MAP3K11: variants seen among roughly 807,000 people sequenced by gnomAD.
The protein encoded by MAP3K11 is SH3 domain-containing proline-rich kinase.
MAP3K11 carries 46 observed loss-of-function variants against 84.9 expected under a neutral mutation model. That is an observed-to-expected ratio of 0.54 (90% CI 0.43 to 0.69). The LOEUF (loss-of-function observed/expected upper bound fraction) is 0.69. Ranked by LOEUF, MAP3K11 falls within the 30% of genes least tolerant of loss-of-function variation. MAP3K11 has a pLI of 0.00. For synonymous variants in MAP3K11, 527 were observed against 514.7 expected (o/e 1.02, Z -0.32); for missense variants, 1,053 against 1,198.3 (o/e 0.88, Z 1.79).
intron 8 of MAP3K11, chr11:65,605,542 G>A (rs754694520): frequency 5.2e-5 from 25 of 476,872 alleles, no homozygotes; most frequent in African/African-American, 4.3e-4. Flanking sequence ...TCTGGGCCCC[G>A]AGCCGAGGCC....
intron 8 of MAP3K11, among the ~76,000 whole-genome samples, 165 bp from the exon 9 acceptor site, chr11:65,599,933 G>A (rs1854437986): frequency 6.6e-6 from 1 of 152,216 alleles, no homozygotes; most frequent in Admixed American, 6.5e-5. Flanking sequence ...CCACATTCTG[G>A]CCTTTCACAA....
Position 65,607,371 on chromosome 11 carries a change from T to A in MAP3K11, c.1388A>T (p.Gln463Leu), listed in dbSNP as rs1411645768. Reference sequence around the variant, plus strand: ...CACGTGCGGTCGCTCGCGGTCCACCTGCTGCAGCAGCAGCGTCAGCTCGCG... The same window carrying A: ...CACGTGCGGTCGCTCGCGGTCCACCAGCTGCAGCAGCAGCGTCAGCTCGCG... ...FERELTLLLQ[Q>L]VDRERPHVRR... The change falls in exon 5 of 10, where the codon CAG becomes CTG. Residue 463 changes from glutamine (Q) to leucine (L), a missense_variant. Coordinates refer to ENST00000309100, the MANE Select transcript of MAP3K11 (RefSeq NM_002419.4). 3.3e-6 allele frequency: 5 copies of A among 1,498,956 alleles called. No homozygotes were observed. The South Asian group carries it at 3.7e-5, about 11-fold the overall frequency. The allele number at this position is 1,498,956 out of a possible 1,614,324, so 92.9% of individuals were successfully genotyped here. A position where few individuals can be genotyped will look rare whatever the true frequency, so the allele number is the denominator to read the frequency against.
intron 8 of MAP3K11, 95 bp from the exon 9 acceptor site, chr11:65,599,863 T>C (rs1448708598): frequency 7.4e-7 from 1 of 1,359,370 alleles, no homozygotes; most frequent in East Asian, 2.6e-5. Context: ...AGGACTGAGT[T>C]CTGCCCTCTA....
In MAP3K11 at chr11:65,598,511, C is replaced by A; in HGVS notation, c.2324G>T (p.Arg775Leu). ...TGACACAAAGCTCCAGGGATCAATG[C>A]GGCTGCGAAGGGGCGAGGGCCGAGG... ...SRPRPSPLRS[R>L]IDPWSFVSAG... The change falls in exon 10 of 10, where the codon CGC becomes CTC. Residue 775 changes from arginine to leucine, a missense_variant. By Grantham distance (102) the Arg-to-Leu change is moderately radical (BLOSUM62 -2). This residue lies in a region of MAP3K11 where 583 missense variants were observed against 566.6 expected (regional missense o/e 1.03). Coordinates refer to ENST00000309100, the MANE Select transcript of MAP3K11 (RefSeq NM_002419.4). 1.2e-6 allele frequency: 2 copies of A among 1,613,326 alleles called. No individual in the cohort carries two copies. The highest frequency in any genetic ancestry group is 1.7e-6 in the Non-Finnish European group (2 of 1,179,612).
Position 65,608,411 on chromosome 11 carries a change from C to T in MAP3K11, c.777G>A (p.Glu259=), listed in dbSNP as rs750616138. 1.2e-6 allele frequency: 2 copies of T among 1,614,186 alleles called. No homozygotes were observed. The highest frequency in any genetic ancestry group is 1.1e-5 in the South Asian group (1 of 91,086). The stretch of plus-strand genomic sequence containing the variant: ...AGTCGGTGATCTTCAGGGTCTTGTG[C>T]TCCATGTCGTCACTCTCAATGGGCT... ...LLQPIESDDM[E]HKTLKITDFG... Residue 259 remains glutamate (E), a synonymous_variant, in exon 2 of 10, where the codon GAG becomes GAA. Coordinates refer to ENST00000309100, the MANE Select transcript of MAP3K11 (RefSeq NM_002419.4).
In MAP3K11 at chr11:65,599,572, T is replaced by C. The variant is rs570112119; in HGVS notation, c.2028A>G (p.Thr676=). Residue 676 remains threonine (T), a synonymous_variant, in exon 9 of 10, where the codon ACA becomes ACG. Transcript: ENST00000309100. ...GPGRERGESP[T]TPPTPTPAPC... ...GCGCGGGCGTTGGCGTGGGGGGTGT[T>C]GTCGGGGACTCCCCGCGCTCGCGTC... 75 of 1,502,776 alleles carry C rather than the reference T, an allele frequency of 5.0e-5. No individual in the cohort carries two copies. The highest frequency in any genetic ancestry group is 6.5e-5 in the Non-Finnish European group (74 of 1,134,678). The allele number at this position is 1,502,776 out of a possible 1,614,324, so 93.1% of individuals were successfully genotyped here.
chr11:65,606,549 G>T, intron 6 of MAP3K11, 142 bp downstream of exon 6: 1 of 589,052 alleles, frequency 1.7e-6, no homozygotes, highest in Non-Finnish European at 3.0e-6. Context: ...GAGTTCAGAG[G>T]TAACAGGCTA....
At chr11:65,608,494 G>A in intron 1 of MAP3K11, 46 bp from the exon 2 acceptor site, 1 of 1,593,906 alleles carries the variant, frequency 6.3e-7, no homozygotes, top group Non-Finnish European at 8.6e-7. Context: ...ATCAGGTGGT[G>A]GGGACAGGGT....
Position 65,607,433 on chromosome 11 carries a change from C to A in MAP3K11, c.1326G>T (p.Glu442Asp). Residue 442 changes from glutamate (E) to aspartate (D), a missense_variant, in exon 5 of 10, where the codon GAG (glutamate) becomes GAT (aspartate). Around this residue, in one of 3 missense-constraint regions of MAP3K11, gnomAD observed 310 missense variants for 464.5 expected, o/e 0.67. Transcript: ENST00000309100. ...CTAGCTCCCACTGGGCCAGCAGGTG[C>A]TCGCGCCGCCGCAGCTGCTCCGCCT... ...RSQAEQLRRR[E>D]HLLAQWELEV... The A allele has an allele frequency of 6.7e-7, 1 of 1,496,130 alleles. No individual in the cohort carries two copies. Among genetic ancestry groups the A allele is most frequent in the Non-Finnish European group, 8.8e-7 (1 of 1,132,092 alleles). 92.7% of individuals were successfully genotyped at this position (1,496,130 alleles called of 1,614,324 possible). A position where few individuals can be genotyped will look rare whatever the true frequency, so the allele number is the denominator to read the frequency against.
At chr11:65,599,286 TGA>T (rs1215976706) in intron 9 of MAP3K11, 106 bp downstream of exon 9, 2 of 1,324,106 alleles carry the variant, frequency 1.5e-6, no homozygotes, top group Non-Finnish European at 2.0e-6. Context: ...GTCCAGCTGA[TGA>T]CTGTGGTCTC....
intron 8 of MAP3K11, chr11:65,605,491 A>C (rs1565143717): frequency 1.5e-5 from 5 of 334,760 alleles, no homozygotes; most frequent in Admixed American, 5.1e-5. Context: ...GGGCCAGGGA[A>C]GAGGCTTCTT....
Position 65,607,261 on chromosome 11 carries a change from G to T in MAP3K11, c.1489+9C>A. On this transcript the variant is annotated intron_variant, in intron 5 of 9. Coordinates refer to ENST00000309100, the MANE Select transcript of MAP3K11 (RefSeq NM_002419.4). ...AATGGCGGGGGACGCCCCGGGGCCC[G>T]GCCCTCACCGAGTGGCATGCTGATA... 2.0e-6 allele frequency: 3 copies of T among 1,497,590 alleles called. No individual in the cohort carries two copies. Among genetic ancestry groups the T allele is most frequent in the East Asian group, 2.7e-5 (1 of 37,678 alleles). The allele number at this position is 1,497,590 out of a possible 1,614,324, so 92.8% of individuals were successfully genotyped here. A position where few individuals can be genotyped will look rare whatever the true frequency, so the allele number is the denominator to read the frequency against.
intron 1 of MAP3K11, chr11:65,610,825 A>C (rs564297142): frequency 6.6e-6 from 1 of 152,236 alleles, no homozygotes; most frequent in South Asian, 2.1e-4. Context: ...AAGTTTCAGG[A>C]CTTCTTTGTA....
chr11:65,608,925 A>AGTG (rs1854543075), intron 1 of MAP3K11: 2 of 159,570 alleles, frequency 1.3e-5, no homozygotes, highest in Non-Finnish European at 2.8e-5. Flanking sequence ...CAAACATTTC[A>AGTG]CACTCAACCC....
intron 5 of MAP3K11, 68 bp downstream of exon 5, chr11:65,607,202 A>G: frequency 7.1e-7 from 1 of 1,414,424 alleles, no homozygotes; most frequent in East Asian, 2.9e-5. Context: ...CGCGGTGAGC[A>G]CACAGGCCTG....
At position 65,606,736 on chromosome 11, in the gene MAP3K11, C is replaced by G. The variant is rs773390948; in HGVS notation, c.1558G>C (p.Gly520Arg). Residue 520 changes from glycine (G) to arginine (R), a missense_variant, in exon 6 of 10, where the codon GGG becomes CGG. This residue lies in a region of MAP3K11 where 583 missense variants were observed against 566.6 expected (regional missense o/e 1.03). Transcript: ENST00000309100. ...LDRRRNVFEV[G>R]PGDSPTFPRF... ...GGAAAGGTGGGCGAATCCCCAGGCC[C>G]GACCTCGAAGACGTTTCTCCTCCGG... is the stretch of plus-strand genomic sequence containing the variant. 6 of 1,604,792 alleles carry G rather than the reference C, an allele frequency of 3.7e-6. No individual in the cohort carries two copies. The highest frequency in any genetic ancestry group is 5.1e-6 in the Non-Finnish European group (6 of 1,176,154).
intron 8 of MAP3K11, among the ~76,000 whole-genome samples, chr11:65,601,180 T>C (rs1374409047): frequency 6.6e-6 from 1 of 152,196 alleles, no homozygotes; most frequent in Non-Finnish European, 1.5e-5. Context: ...TTCAGCCAGG[T>C]TGCCTTTTCC....
chr11:65,599,301 C>T, intron 9 of MAP3K11, 93 bp downstream of exon 9: 3 of 1,409,214 alleles, frequency 2.1e-6, no homozygotes, highest in South Asian at 2.9e-5. Flanking sequence ...GTGGTCTCGG[C>T]CTTGCCTCCT....
chr11:65,607,130 G>T, intron 5 of MAP3K11, 140 bp downstream of exon 5: 1 of 1,190,308 alleles, frequency 8.4e-7, no homozygotes, highest in South Asian at 1.8e-5. Context: ...AAACACTCCT[G>T]GCTCCACCCC....
Sources: gnomAD v4.1 joint callset for allele counts (sites outside exome capture counted in the v4.1 genomes callset) on GRCh38, gnomAD v4.1.1 for gene constraint, gnomAD v4.1.1 regional missense constraint, MANE v1.5 for transcripts, NCBI Gene and HGNC (gene_info 2026-07-23, HGNC 2026-07-21) for gene names.